CCDC81: variants seen among roughly 807,000 people sequenced by gnomAD.
The protein encoded by CCDC81 is coiled-coil domain-containing protein 81.
Under a neutral mutation model 83.7 loss-of-function variants are expected in CCDC81, and 79 were observed. The observed-to-expected ratio is 0.94, with a 90% CI of 0.79 to 1.14. The LOEUF is 1.14. CCDC81 is among the 50% of genes most tolerant of loss of function. The pLI is 0.00. For synonymous variants in CCDC81, 252 were observed against 278.1 expected, an observed-to-expected ratio of 0.91 and a Z score of 0.93; for missense variants, 791 against 778.1, an observed-to-expected ratio of 1.02 and a Z score of -0.20.
At chr11:86,385,043 A>T (rs556531810) in intron 1 of CCDC81, among the ~76,000 whole-genome samples, 1 of 149,552 alleles carries the variant, frequency 6.7e-6, no homozygotes, top group African/African-American at 2.4e-5. Flanking sequence ...AAGTGTATGC[A>T]TTAATTCAAA....
At chr11:86,377,298 A>G (rs1339065391) in intron 1 of CCDC81, among the ~76,000 whole-genome samples, 1 of 152,202 alleles carries the variant, frequency 6.6e-6, no homozygotes, top group Non-Finnish European at 1.5e-5. Context: ...TAAGTTTTCA[A>G]TTCACTTGGG....
chr11:86,382,461 T>C (rs1268462681), intron 1 of CCDC81, among the ~76,000 whole-genome samples: 1 of 152,056 alleles, frequency 6.6e-6, no homozygotes, highest in East Asian at 1.9e-4. Context: ...ACTGAATAGA[T>C]AGTGGTGCCA....
intron 1 of CCDC81, among the ~76,000 whole-genome samples, chr11:86,379,592 T>G (rs1490025321): frequency 6.6e-6 from 1 of 152,186 alleles, no homozygotes; most frequent in African/African-American, 2.4e-5. Context: ...TATATATAAA[T>G]GTAAATATAT....
At chr11:86,392,886 T>C in intron 4 of CCDC81, 89 bp downstream of exon 4, 1 of 1,381,832 alleles carries the variant, frequency 7.2e-7, no homozygotes, top group East Asian at 2.5e-5. Flanking sequence ...AAAACGAAGG[T>C]TGACATATTT....
chr11:86,391,544 A>G (rs1292628157), intron 3 of CCDC81, among the ~76,000 whole-genome samples: 1 of 152,174 alleles, frequency 6.6e-6, no homozygotes, highest in Non-Finnish European at 1.5e-5. Context: ...CAAGCTAGAT[A>G]TAATCGTATT....
At chr11:86,416,777 T>C (rs1948725319) in intron 13 of CCDC81, among the ~76,000 whole-genome samples, 1 of 152,212 alleles carries the variant, frequency 6.6e-6, no homozygotes. Flanking sequence ...CCTTCTCTGG[T>C]TCATCTTAAC....
chr11:86,422,289 G>C (rs12280833), intron 14 of CCDC81, among the ~76,000 whole-genome samples: 13,833 of 152,278 alleles, frequency 0.091, 1,201 homozygotes, highest in African/African-American at 0.23. Context: ...TCTGCTGGCT[G>C]TGTGACCTTC....
chr11:86,383,764 T>C (rs1948204104), intron 1 of CCDC81, among the ~76,000 whole-genome samples: 1 of 152,238 alleles, frequency 6.6e-6, no homozygotes, highest in Admixed American at 6.5e-5. Flanking sequence ...ATTTAGAAAT[T>C]ACAGTCTGTA....
intron 1 of CCDC81, among the ~76,000 whole-genome samples, chr11:86,381,749 T>A (rs541677266): frequency 6.6e-6 from 1 of 152,214 alleles, no homozygotes; most frequent in African/African-American, 2.4e-5. Flanking sequence ...TAGGATGGAG[T>A]GGTGACTTCC....
intron 12 of CCDC81, 74 bp from the exon 13 acceptor site, chr11:86,415,019 C>T: frequency 1.3e-6 from 2 of 1,514,770 alleles, no homozygotes; most frequent in South Asian, 2.4e-5. Flanking sequence ...GGTATTTTAC[C>T]ACATTACAGG....
chr11:86,399,598 G>T (rs1948456945), intron 6 of CCDC81, among the ~76,000 whole-genome samples: 2 of 152,068 alleles, frequency 1.3e-5, no homozygotes, highest in Non-Finnish European at 2.9e-5. Context: ...TTACAGGCGT[G>T]AGCCACTATG....
At chr11:86,388,383 C>T (rs1050850293) in intron 3 of CCDC81, among the ~76,000 whole-genome samples, 1 of 152,178 alleles carries the variant, frequency 6.6e-6, no homozygotes. Context: ...CCCTTGGTTA[C>T]TTAGCAGCCT....
At chr11:86,386,884 G>A (rs1264439435) in intron 2 of CCDC81, among the ~76,000 whole-genome samples, 14 of 152,242 alleles carry the variant, frequency 9.2e-5, no homozygotes, top group African/African-American at 2.9e-4. Context: ...CCCTTTAGAC[G>A]GGGTGTGCAG....
At position 86,422,613 on chromosome 11, in the gene CCDC81, G is replaced by T; in HGVS notation, c.1857G>T (p.Lys619Asn). 1.9e-6 allele frequency: 3 copies of T among 1,613,950 alleles called. No homozygotes were observed. The highest frequency in any genetic ancestry group is 2.5e-6 in the Non-Finnish European group (3 of 1,179,880). Reference protein sequence around the residue: ...DKLFLLDQCEKYRRCKQCQRR... With the variant: ...DKLFLLDQCENYRRCKQCQRR... ...TGTTTCTCCTAGACCAGTGTGAGAA[G>T]TATCGGCGCTGCAAGCAATGCCAGA... is the stretch of plus-strand genomic sequence containing the variant. Residue 619 changes from lysine to asparagine, a missense_variant, in exon 15 of 15, where the codon AAG becomes AAT. Coordinates refer to ENST00000445632, the MANE Select transcript of CCDC81 (RefSeq NM_001156474.2).
intron 8 of CCDC81, 103 bp from the exon 9 acceptor site, chr11:86,408,024 T>C (rs1043364859): frequency 1.4e-4 from 158 of 1,116,360 alleles, no homozygotes; most frequent in Middle Eastern, 5.2e-4. Flanking sequence ...CCATTAATAA[T>C]AGGTTTCTTG....
chr11:86,392,790 T>C lies in CCDC81; in HGVS notation c.548T>C (p.Leu183Pro), dbSNP rs983181738. 2 of 1,547,998 alleles carry C rather than the reference T, an allele frequency of 1.3e-6. No individual in the cohort carries two copies. The highest frequency in any genetic ancestry group is 1.4e-5 in the African/African-American group (1 of 72,738). ...GGAAGTGGGGCTTTGGCAAAGGCCC[T>C]AGCAAATGTAAATTAATATTTTCCT... ...MDGSGALAKALANRPGTVDSV... is the reference protein window; with the variant it reads ...MDGSGALAKAPANRPGTVDSV... Residue 183 changes from leucine to proline, a missense_variant, in exon 4 of 15, where the codon CTA becomes CCA. Transcript: ENST00000445632.
chr11:86,375,986 C>T (rs1274504517), intron 1 of CCDC81, among the ~76,000 whole-genome samples: 1 of 152,210 alleles, frequency 6.6e-6, no homozygotes, highest in Non-Finnish European at 1.5e-5. Flanking sequence ...CCTATCTTTT[C>T]CTCTCAAATC....
intron 13 of CCDC81, among the ~76,000 whole-genome samples, chr11:86,417,364 C>T (rs895650484): frequency 1.3e-5 from 2 of 150,836 alleles, no homozygotes; most frequent in Non-Finnish European, 1.5e-5. Context: ...TACATATTAA[C>T]CTTAATTATT....
At chr11:86,415,546 AT>A (rs1948707738) in intron 13 of CCDC81, among the ~76,000 whole-genome samples, 1 of 152,228 alleles carries the variant, frequency 6.6e-6, no homozygotes, top group African/African-American at 2.4e-5. Context: ...TATTAAATAA[AT>A]TTTTAAAAAC....
Sources: gnomAD v4.1 joint callset for allele counts (sites outside exome capture counted in the v4.1 genomes callset) on GRCh38, gnomAD v4.1.1 for gene constraint, MANE v1.5 for transcripts, NCBI Gene and HGNC (gene_info 2026-07-23, HGNC 2026-07-21) for gene names.